IDE: variants seen among roughly 807,000 people sequenced by gnomAD.
IDE encodes the protein insulin degrading enzyme.
Under a neutral mutation model 133.2 loss-of-function variants are expected in IDE, and 58 were observed. The ratio of observed to expected loss-of-function variants is 0.44; its 90% CI spans 0.35 to 0.54. IDE has a LOEUF of 0.54. Among genes scored for constraint, IDE ranks in the 20% least tolerant of loss-of-function variants. The pLI is 0.00. For synonymous variants in IDE, 396 were observed against 421.3 expected (o/e 0.94, Z 0.73); for missense variants, 981 against 1,234.0 (o/e 0.79, Z 3.07).
chr10:92,483,383 G>A (rs755210928), intron 13 of IDE, 46 bp from the exon 14 acceptor site: 2 of 1,018,024 alleles, frequency 2.0e-6, no homozygotes, highest in African/African-American at 3.2e-5. Flanking sequence ...GGCGCATTCA[G>A]CAAAAATGTT....
At chr10:92,538,550 C>T (rs1012440539) in intron 1 of IDE, among the ~76,000 whole-genome samples, 1 of 152,214 alleles carries the variant, frequency 6.6e-6, no homozygotes, top group Admixed American at 6.5e-5. Context: ...GCAATCTTAA[C>T]AGAAATGTCA....
intron 13 of IDE, among the ~76,000 whole-genome samples, chr10:92,486,334 G>A (rs1302684414): frequency 6.6e-6 from 1 of 151,980 alleles, no homozygotes; most frequent in Non-Finnish European, 1.5e-5. Context: ...TGGGCAACAA[G>A]AACAAGACTC....
intron 19 of IDE, 108 bp downstream of exon 19, chr10:92,468,771 C>G (rs1422147013): frequency 3.4e-6 from 2 of 593,044 alleles, no homozygotes; most frequent in Non-Finnish European, 6.0e-6. Flanking sequence ...AGGAGAGGTT[C>G]CCAAGTAAAT....
intron 17 of IDE, among the ~76,000 whole-genome samples, chr10:92,473,693 A>C (rs1455828360): frequency 6.6e-6 from 1 of 152,154 alleles, no homozygotes; most frequent in Admixed American, 6.5e-5. Context: ...TTAAAACTTC[A>C]ATATTGGCCG....
At chr10:92,491,597 T>G (rs1187187536) in intron 11 of IDE, among the ~76,000 whole-genome samples, 1 of 144,766 alleles carries the variant, frequency 6.9e-6, no homozygotes, top group Non-Finnish European at 1.5e-5. Flanking sequence ...CCACCACGCC[T>G]GGCTAATTTT....
At chr10:92,461,121 G>T in intron 22 of IDE, 70 bp downstream of exon 22, 1 of 769,046 alleles carries the variant, frequency 1.3e-6, no homozygotes, top group Non-Finnish European at 2.3e-6. Context: ...GATTACAGGT[G>T]TAGGCCGCCA....
chr10:92,524,444 ATTT>A (rs1491486715), intron 4 of IDE, among the ~76,000 whole-genome samples: 422 of 11,562 alleles, frequency 0.036, 45 homozygotes, highest in African/African-American at 0.083. Context: ...TATATAATAT[ATTT>A]TATATATTAT....
intron 6 of IDE, 27 bp from the exon 7 acceptor site, chr10:92,508,917 G>A (rs1425121147): frequency 1.3e-6 from 2 of 1,561,906 alleles, no homozygotes; most frequent in Non-Finnish European, 8.8e-7. Flanking sequence ...ACAGAGATTA[G>A]CTATATACGA....
At chr10:92,535,173 G>A (rs1319778268) in intron 2 of IDE, among the ~76,000 whole-genome samples, 3 of 152,118 alleles carry the variant, frequency 2.0e-5, no homozygotes, top group East Asian at 1.9e-4. Flanking sequence ...GCGAGATCTT[G>A]GCTCACTGCA....
At chr10:92,464,119 T>G (rs767687431) in intron 20 of IDE, 116 bp from the exon 21 acceptor site, 35 of 1,024,682 alleles carry the variant, frequency 3.4e-5, no homozygotes, top group Non-Finnish European at 4.9e-5. Context: ...TTTTAGAGTA[T>G]TCACCTCTTA....
rs1216273748 is a variant in IDE at position 92,542,497 on chromosome 10, C to G, written c.99-4947G>C. ...TAGAGATGGGGTTTTGCCATGTTGTCCAGGCTGGTCTTTCAAACTCCTGGG... is the reference window on the plus strand; with the variant it reads ...TAGAGATGGGGTTTTGCCATGTTGTGCAGGCTGGTCTTTCAAACTCCTGGG... On this transcript the variant is annotated intron_variant, in intron 1 of 24. Transcript: ENST00000265986. Among the ~76,000 whole-genome samples, 6 of 152,164 alleles carry G rather than the reference C, an allele frequency of 3.9e-5. 1 individual carries two copies. Among genetic ancestry groups the G allele is most frequent in the Non-Finnish European group, 7.3e-5 (5 of 68,030 alleles).
intron 1 of IDE, chr10:92,541,230 T>C: frequency 2.5e-6 from 1 of 394,494 alleles, no homozygotes; most frequent in South Asian, 1.9e-5. Flanking sequence ...GGCAATCCTA[T>C]TCAATACAAA....
chr10:92,459,824 C>CTTTTTTTTTT (rs901315055), intron 22 of IDE, among the ~76,000 whole-genome samples: 1 of 92,782 alleles, frequency 1.1e-5, no homozygotes, highest in Non-Finnish European at 2.0e-5. Flanking sequence ...GTGTGAACCT[C>CTTTTTTTTTT]TTTTTTTTTT....
At chr10:92,571,646 G>T (rs1489358516) in intron 1 of IDE, among the ~76,000 whole-genome samples, 1 of 152,188 alleles carries the variant, frequency 6.6e-6, no homozygotes, top group Non-Finnish European at 1.5e-5. Flanking sequence ...GAACAAGGAG[G>T]TTACTCTGTA....
At chr10:92,493,934 C>A (rs2062242443) in intron 11 of IDE, among the ~76,000 whole-genome samples, 1 of 152,040 alleles carries the variant, frequency 6.6e-6, no homozygotes, top group African/African-American at 2.4e-5. Context: ...TGTGAAAGTA[C>A]AGGGAAGAGC....
intron 13 of IDE, among the ~76,000 whole-genome samples, chr10:92,483,930 G>A (rs1564612982): frequency 6.6e-6 from 1 of 152,194 alleles, no homozygotes; most frequent in Non-Finnish European, 1.5e-5. Context: ...ACTCTACAGA[G>A]AGGTCCATGT....
At chr10:92,497,930 T>C (rs544397673) in intron 11 of IDE, among the ~76,000 whole-genome samples, 10 of 152,370 alleles carry the variant, frequency 6.6e-5, no homozygotes, top group Admixed American at 5.2e-4. Flanking sequence ...GCTGGGTCAA[T>C]TACTGGCTCT....
intron 15 of IDE, among the ~76,000 whole-genome samples, chr10:92,477,411 C>T (rs1846328652): frequency 1.3e-5 from 2 of 152,274 alleles, no homozygotes; most frequent in South Asian, 4.1e-4. Context: ...CCTGCCTTGG[C>T]CTCCCAAAGT....
At chr10:92,523,701 T>TAAA (rs74263178) in intron 4 of IDE, among the ~76,000 whole-genome samples, 7 of 117,118 alleles carry the variant, frequency 6.0e-5, no homozygotes, top group African/African-American at 2.2e-4. Context: ...GACTCAGTCT[T>TAAA]AAAAAAAAAA....
Sources: gnomAD v4.1 joint callset for allele counts (sites outside exome capture counted in the v4.1 genomes callset) on GRCh38, gnomAD v4.1.1 for gene constraint, MANE v1.5 for transcripts, NCBI Gene and HGNC (gene_info 2026-07-23, HGNC 2026-07-21) for gene names.